ATP10B: variants seen among roughly 807,000 people sequenced by gnomAD.
ATP10B encodes the protein ATPase phospholipid transporting 10B (putative), also known as phospholipid-transporting ATPase VB.
Under a neutral mutation model 141.2 loss-of-function variants are expected in ATP10B, and 122 were observed. The observed-to-expected ratio is 0.86, with a 90% CI of 0.75 to 1.00. The LOEUF (loss-of-function observed/expected upper bound fraction) is 1.00, where lower values mean the gene tolerates loss of function less well. ATP10B is among the 50% of genes least tolerant of loss of function. The pLI is 0.00. For synonymous variants in ATP10B, 685 were observed against 692.0 expected, an observed-to-expected ratio of 0.99 and a Z score of 0.16; for missense variants, 1,876 against 1,825.3, an observed-to-expected ratio of 1.03 and a Z score of -0.51.
intron 2 of ATP10B, among the ~76,000 whole-genome samples, chr5:160,755,877 AT>A (rs1768560967): frequency 6.1e-5 from 7 of 114,122 alleles, no homozygotes; most frequent in African/African-American, 2.6e-4. Context: ...ATATATATAT[AT>A]TATAATTTTA....
the ATP10B span, among the ~76,000 whole-genome samples, chr5:160,908,832 C>T: frequency 1.3e-5 from 2 of 152,276 alleles, no homozygotes; most frequent in East Asian, 1.9e-4. Flanking sequence ...TTATTATTCC[C>T]TTATTCTCAC....
chr5:160,708,156 G>A (rs1345318730), intron 3 of ATP10B, among the ~76,000 whole-genome samples: 3 of 152,148 alleles, frequency 2.0e-5, no homozygotes, highest in African/African-American at 7.2e-5. Context: ...GTCCAGGGAG[G>A]TTGACAACCA....
chr5:160,657,833 C>T (rs184174803), intron 7 of ATP10B, among the ~76,000 whole-genome samples: 7 of 152,230 alleles, frequency 4.6e-5, no homozygotes, highest in Middle Eastern at 3.4e-3. Context: ...CTACAGCATC[C>T]GGCAGATAGA....
chr5:160,831,750 C>T (rs897025294), intron 1 of ATP10B, among the ~76,000 whole-genome samples: 3 of 152,008 alleles, frequency 2.0e-5, no homozygotes, highest in Admixed American at 1.3e-4. Context: ...ATTGAAGAAA[C>T]AAACATATAA....
chr5:160,912,440 A>AAAAAAAG, the ATP10B span, among the ~76,000 whole-genome samples: 1 of 134,666 alleles, frequency 7.4e-6, no homozygotes, highest in African/African-American at 2.9e-5. Flanking sequence ...AAAAAAAAAA[A>AAAAAAAG]AGAGAAAACT....
chr5:160,616,165 A>G (rs1340207043), intron 16 of ATP10B, among the ~76,000 whole-genome samples: 2 of 152,136 alleles, frequency 1.3e-5, no homozygotes, highest in Non-Finnish European at 2.9e-5. Flanking sequence ...CTAAAAATCT[A>G]TTGTGCTCAG....
chr5:160,572,101 G>A (rs187607579), intron 24 of ATP10B, among the ~76,000 whole-genome samples: 5 of 152,266 alleles, frequency 3.3e-5, no homozygotes, highest in Admixed American at 2.6e-4. Flanking sequence ...CTTAAGAAAA[G>A]CATTGGCTCA....
the ATP10B span, among the ~76,000 whole-genome samples, chr5:160,863,260 G>T: frequency 6.6e-6 from 1 of 151,976 alleles, no homozygotes; most frequent in Non-Finnish European, 1.5e-5. Context: ...TTGAATGGTT[G>T]TCTGAGGTCC....
chr5:160,913,517 G>A, the ATP10B span, among the ~76,000 whole-genome samples: 1 of 152,184 alleles, frequency 6.6e-6, no homozygotes, highest in South Asian at 2.1e-4. Context: ...TGTCCTCCCT[G>A]AGCTCGTTAT....
Position 160,612,910 on chromosome 5 carries a change from T to C in ATP10B, c.2669A>G (p.Glu890Gly), listed in dbSNP as rs777129795. The C allele has an allele frequency of 6.2e-7, 1 of 1,613,340 alleles. No individual in the cohort carries two copies. The highest frequency in any genetic ancestry group is 1.1e-5 in the South Asian group (1 of 91,016). Residue 890 changes from glutamate (E) to glycine (G), a missense_variant, in exon 18 of 26, where the codon GAA becomes GGA. Physicochemically the swap from Glu to Gly is moderately conservative, Grantham distance 98. Coordinates refer to ENST00000327245, the MANE Select transcript of ATP10B (RefSeq NM_025153.3). Reference sequence around the variant, plus strand: ...TGGAACTCCTTCCTGCAGCCGGTCTTCGATCCCAGTGGCTCCTGGAGTGAT... The same window carrying C: ...TGGAACTCCTTCCTGCAGCCGGTCTCCGATCCCAGTGGCTCCTGGAGTGAT... The part of the protein sequence containing the change: ...QLTLLGATGI[E>G]DRLQEGVPDT...
chr5:160,856,319 G>A (rs1424503674), upstream of ATP10B, among the ~76,000 whole-genome samples: 1 of 151,652 alleles, frequency 6.6e-6, no homozygotes, highest in African/African-American at 2.4e-5. Flanking sequence ...GTTCTGGCTG[G>A]TATACCAAAA....
At chr5:160,616,023 C>G in intron 16 of ATP10B, 59 bp from the exon 17 acceptor site, 1 of 1,558,840 alleles carries the variant, frequency 6.4e-7, no homozygotes, top group Non-Finnish European at 8.8e-7. Context: ...ATAATTTCCT[C>G]TCTCTTCCCA....
At chr5:160,836,581 G>A (rs1775449020) in intron 1 of ATP10B, among the ~76,000 whole-genome samples, 1 of 151,956 alleles carries the variant, frequency 6.6e-6, no homozygotes, top group Non-Finnish European at 1.5e-5. Context: ...TCTCTTCATT[G>A]CTTACTGAAT....
At chr5:160,618,001 G>A in intron 15 of ATP10B, 28 bp from the exon 16 acceptor site, 1 of 1,557,984 alleles carries the variant, frequency 6.4e-7, no homozygotes, top group Non-Finnish European at 8.9e-7. Flanking sequence ...TCCCGCATGA[G>A]GCCACATACA....
intron 2 of ATP10B, among the ~76,000 whole-genome samples, chr5:160,767,948 TTC>T (rs1420825046): frequency 1.3e-5 from 2 of 152,138 alleles, no homozygotes; most frequent in Non-Finnish European, 2.9e-5. Context: ...GTAAACTTTT[TTC>T]TCTTTCTCTC....
chr5:160,778,692 GAT>G (rs1418141301), intron 2 of ATP10B, among the ~76,000 whole-genome samples: 1 of 152,140 alleles, frequency 6.6e-6, no homozygotes, highest in Non-Finnish European at 1.5e-5. Flanking sequence ...TAAAATTACA[GAT>G]ATGTTATAAA....
chr5:160,875,036 CCA>C, the ATP10B span, among the ~76,000 whole-genome samples: 92 of 86,480 alleles, frequency 1.1e-3, 1 homozygote, highest in Non-Finnish European at 1.3e-3. Context: ...ACAGAGAATG[CCA>C]CAAAGATACT....
chr5:160,693,403 AACACACACACAC>A (rs3075585), intron 3 of ATP10B, among the ~76,000 whole-genome samples: 1,441 of 125,678 alleles, frequency 0.011, 23 homozygotes, highest in African/African-American at 0.038. Context: ...TGGGTCAGAA[AACACACACACAC>A]ACACACACAC....
At chr5:160,674,939 C>T (rs1762931052) in intron 6 of ATP10B, among the ~76,000 whole-genome samples, 2 of 152,080 alleles carry the variant, frequency 1.3e-5, no homozygotes, top group Admixed American at 6.5e-5. Context: ...TGCCCTGGGC[C>T]ACTTTATGCT....
Sources: allele counts gnomAD v4.1 joint callset (sites outside exome capture counted in the v4.1 genomes callset), GRCh38; gene constraint gnomAD v4.1.1; transcripts MANE v1.5; gene names NCBI Gene and HGNC (gene_info 2026-07-23, HGNC 2026-07-21).